Variants in CLPTM1L observed in about 807,000 individuals in gnomAD.
The protein encoded by CLPTM1L is lipid scramblase CLPTM1L.
A neutral mutation model predicts 70.9 loss-of-function variants in CLPTM1L; 38 were observed. That is an observed-to-expected ratio of 0.54 (90% CI 0.41 to 0.70). The LOEUF is 0.70. Ranked by LOEUF, CLPTM1L falls within the 30% of genes least tolerant of loss-of-function variation. CLPTM1L has a pLI of 0.00. For synonymous variants in CLPTM1L, 339 were observed against 299.9 expected, an observed-to-expected ratio of 1.13 and a Z score of -1.35; for missense variants, 652 against 705.9, an observed-to-expected ratio of 0.92 and a Z score of 0.87.
chr5:1,335,854 G>A (rs1753543599), intron 5 of CLPTM1L, among the ~76,000 whole-genome samples: 3 of 152,194 alleles, frequency 2.0e-5, no homozygotes, highest in Admixed American at 2.0e-4. Flanking sequence ...ACAGCACGTG[G>A]GCAGTGACCA....
intron 7 of CLPTM1L, 53 bp from the exon 8 acceptor site, chr5:1,331,936 T>G: frequency 1.4e-6 from 2 of 1,456,370 alleles, no homozygotes; most frequent in South Asian, 1.1e-5. Context: ...TTCCATCTCC[T>G]GTGAGACAGA....
chr5:1,325,654 T>G, intron 10 of CLPTM1L, 97 bp downstream of exon 10: 5 of 970,866 alleles, frequency 5.2e-6, no homozygotes, highest in Non-Finnish European at 8.2e-6. Context: ...AGGCCCGCAG[T>G]GACTCATCTG....
rs1579611818 is a variant in CLPTM1L at position 1,317,867 on chromosome 5, T to C, written c.*502A>G. 6.5e-6 allele frequency: 1 copy of C among 153,374 alleles called. No homozygotes were observed. The highest frequency in any genetic ancestry group is 1.5e-5 in the Non-Finnish European group (1 of 68,894). 9.5% of individuals were successfully genotyped at this position (153,374 alleles called of 1,614,324 possible). ...TTTCATTATACCAGGTCAAGAAAAA[T>C]GCCACAGCCAGAAAAATTTATTTTA... On this transcript the variant is annotated 3_prime_UTR_variant, in exon 17 of 17. Coordinates refer to ENST00000320895, the MANE Select transcript of CLPTM1L (RefSeq NM_030782.5).
intron 3 of CLPTM1L, among the ~76,000 whole-genome samples, chr5:1,341,297 G>C (rs1022485655): frequency 1.3e-5 from 2 of 152,160 alleles, no homozygotes. Context: ...ACAGAATGCA[G>C]AATGAGCCCA....
intron 5 of CLPTM1L, among the ~76,000 whole-genome samples, chr5:1,337,032 G>A (rs1018726010): frequency 6.6e-6 from 1 of 152,196 alleles, no homozygotes; most frequent in Non-Finnish European, 1.5e-5. Flanking sequence ...GAGGTCAGAG[G>A]TGCCGAGAGC....
chr5:1,327,088 CCCAGCTCCTCCTCGACAGACACATTCCAT>C (rs1752639243), intron 9 of CLPTM1L, among the ~76,000 whole-genome samples: 1 of 117,628 alleles, frequency 8.5e-6, no homozygotes, highest in Non-Finnish European at 1.8e-5. Flanking sequence ...GGACATTCCA[CCCAGCTCCTCCTCGACAGACACATTCCAT>C]CCAGCTCCTC....
At chr5:1,332,204 G>A (rs1753141526) in intron 7 of CLPTM1L, 3 of 338,548 alleles carry the variant, frequency 8.9e-6, no homozygotes, top group Non-Finnish European at 1.7e-5. Context: ...CCCTGCTCTC[G>A]GGTTGTGCCC....
rs979687948 is a variant in CLPTM1L at position 1,335,106 on chromosome 5, C to T, written c.747G>A (p.Leu249=). The change falls in exon 6 of 17, where the codon CTG becomes CTA. Residue 249 remains leucine, a synonymous_variant. Transcript: ENST00000320895. ...CGTCCTGCATGTGGATCCAGAAGCG[C>T]AGCCGCCCCAGTGAGACCTTGTCGT... ...VSYDKVSLGR[L]RFWIHMQDAV... The T allele has an allele frequency of 1.2e-6, 2 of 1,613,678 alleles. No homozygotes were observed. The highest frequency in any genetic ancestry group is 1.7e-4 in the Middle Eastern group (1 of 6,060).
rs762821261 is a variant in CLPTM1L at position 1,334,391 on chromosome 5, G to A, written c.797-8C>T. The A allele has an allele frequency of 1.3e-5, 19 of 1,491,296 alleles. No individual in the cohort carries two copies. The highest frequency in any genetic ancestry group is 2.5e-5 in the East Asian group (1 of 40,552). 92.4% of individuals were successfully genotyped at this position (1,491,296 alleles called of 1,614,324 possible). A position where few individuals can be genotyped will look rare whatever the true frequency, so the allele number is the denominator to read the frequency against. On this transcript the variant is annotated splice_polypyrimidine_tract_variant and splice_region_variant and intron_variant, in intron 6 of 16. Transcript: ENST00000320895. ...CATCTTTCTCTGAAAACCCTGTCAA[G>A]GAAAAAAAAACATACAATATAAAAC...
intron 5 of CLPTM1L, among the ~76,000 whole-genome samples, chr5:1,336,746 G>A (rs1472701433): frequency 6.6e-6 from 1 of 152,216 alleles, no homozygotes; most frequent in Non-Finnish European, 1.5e-5. Flanking sequence ...GCCACTGCCT[G>A]TGCAGCCCCC....
rs3222913 is a variant in CLPTM1L, at chr5:1,342,039, T to TGTGTGTGCGCGCGCGCGC, written c.264-180_264-179insGCGCGCGCGCGCACACAC. Among the ~76,000 whole-genome samples the TGTGTGTGCGCGCGCGCGC allele has an allele frequency of 1.3e-5, 2 of 148,976 alleles. No individual in the cohort carries two copies. Among genetic ancestry groups the TGTGTGTGCGCGCGCGCGC allele is most frequent in the African/African-American group, 5.0e-5 (2 of 39,664 alleles). On this transcript the variant is annotated intron_variant, in intron 2 of 16. Transcript: ENST00000320895. This position sits in a 1 kb window ranked among gnomAD's most constrained non-coding sequence, Gnocchi z 4.3. ...GTGTGTGTGTGTGTGTGTGTGTGTG[T>TGTGTGTGCGCGCGCGCGC]GCACGCGCACGCGTGCGCGTCCTGA...
At chr5:1,327,752 C>T (rs71595024) in intron 9 of CLPTM1L, among the ~76,000 whole-genome samples, 11 of 147,916 alleles carry the variant, frequency 7.4e-5, no homozygotes, top group Middle Eastern at 3.7e-3. Flanking sequence ...CAGGGACATT[C>T]CACCCAGCTC....
Position 1,344,762 on chromosome 5 carries a change from A to G in CLPTM1L, c.80T>C (p.Met27Thr). 6.2e-7 allele frequency: 1 copy of G among 1,605,246 alleles called. No homozygotes were observed. The highest frequency in any genetic ancestry group is 8.5e-7 in the Non-Finnish European group (1 of 1,176,816). The stretch of plus-strand genomic sequence containing the variant: ...CGGGCGGGTGTAGACGATGCCGTAC[A>G]TGACCCAGCAGGTGTGCACCACGTA... The part of the protein sequence containing the change: ...VVYVVHTCWV[M>T]YGIVYTRPCS... The change falls in exon 1 of 17, where the codon ATG becomes ACG. Residue 27 changes from methionine to threonine, a missense_variant. Met to Thr is a moderately conservative substitution (Grantham distance 81). Around this residue, in one of 3 missense-constraint regions of CLPTM1L, gnomAD observed 402 missense variants for 388.2 expected, o/e 1.04. Transcript: ENST00000320895.
At chr5:1,327,018 A>T (rs1414082215) in intron 9 of CLPTM1L, among the ~76,000 whole-genome samples, 1 of 145,794 alleles carries the variant, frequency 6.9e-6, no homozygotes, top group Admixed American at 6.8e-5. Flanking sequence ...CCTCCTCTAC[A>T]GGGACATTCC....
chr5:1,335,018 G>A (rs373729867), intron 6 of CLPTM1L, 39 bp downstream of exon 6: 180 of 1,527,744 alleles, frequency 1.2e-4, no homozygotes, highest in Non-Finnish European at 1.6e-4. Context: ...GGGGCTCCAG[G>A]GCGGCCTCAC....
chr5:1,334,251 C>G (rs1453259216), intron 7 of CLPTM1L, 38 bp downstream of exon 7: 1 of 1,541,742 alleles, frequency 6.5e-7, no homozygotes, highest in Non-Finnish European at 9.0e-7. Flanking sequence ...AGGGAGCCCC[C>G]CAAGTGCCTG....
chr5:1,344,651 G>GCCCGGCC lies in CLPTM1L; in HGVS notation c.162+22_162+28dup, dbSNP rs969784327. 66 of 1,536,846 alleles carry GCCCGGCC rather than the reference G, an allele frequency of 4.3e-5. No individual in the cohort carries two copies. The African/African-American group carries it at 7.3e-4, about 17-fold the overall frequency. ...GGAGGAGAGGCCCCCACCCCAACCC[G>GCCCGGCC]CCCGGCCCCCGGCCCCGCGGACGCT... On this transcript the variant is annotated intron_variant, in intron 1 of 16. Transcript: ENST00000320895.
chr5:1,330,563 GTGTT>G (rs1226919186), intron 8 of CLPTM1L, 180 bp from the exon 9 acceptor site: 3 of 589,886 alleles, frequency 5.1e-6, no homozygotes, highest in South Asian at 4.2e-5. Flanking sequence ...AGCTAGGAAA[GTGTT>G]TGGAAGGCTG....
At position 1,342,236 on chromosome 5, in the gene CLPTM1L, G is replaced by C. The variant is rs1361064911; in HGVS notation, c.264-376C>G. On this transcript the variant is annotated intron_variant, in intron 2 of 16. Coordinates refer to ENST00000320895, the MANE Select transcript of CLPTM1L (RefSeq NM_030782.5). The surrounding 1 kb of genome is among the most constrained non-coding windows in gnomAD (Gnocchi z 4.3). ...AGGGTACCAGCTGACCACACACACT[G>C]AATCACCCAACTCCGAAGCGACAGA... Among the ~76,000 whole-genome samples the C allele has an allele frequency of 1.3e-5, 2 of 152,188 alleles. No homozygotes were observed. The highest frequency in any genetic ancestry group is 2.9e-5 in the Non-Finnish European group (2 of 68,040).
Sources: allele counts gnomAD v4.1 joint callset (sites outside exome capture counted in the v4.1 genomes callset), GRCh38; gene constraint gnomAD v4.1.1; regional missense constraint gnomAD v4.1.1; non-coding constraint Gnocchi (gnomAD v3.1); transcripts MANE v1.5; gene names NCBI Gene and HGNC (gene_info 2026-07-23, HGNC 2026-07-21).